Variants in PDE4D observed in about 807,000 individuals in gnomAD.
PDE4D encodes phosphodiesterase 4D.
PDE4D carries 24 observed loss-of-function variants against 87.4 expected under a neutral mutation model. The ratio of observed to expected loss-of-function variants is 0.27; its 90% CI spans 0.20 to 0.39. The LOEUF (loss-of-function observed/expected upper bound fraction) is 0.39. Among genes scored for constraint, PDE4D ranks in the 10% least tolerant of loss-of-function variants. PDE4D has a pLI of 1.00. For synonymous variants in PDE4D, 384 were observed against 383.2 expected, an observed-to-expected ratio of 1.00 and a Z score of -0.02; for missense variants, 714 against 1,041.0, an observed-to-expected ratio of 0.69 and a Z score of 4.32.
At chr5:60,006,040 T>C (rs1764440865) in intron 2 of PDE4D, among the ~76,000 whole-genome samples, 1 of 152,002 alleles carries the variant, frequency 6.6e-6, no homozygotes. Flanking sequence ...ACAAGCATCT[T>C]AATGTTATTG....
chr5:60,333,006 G>C (rs1334491417), intron 1 of PDE4D, among the ~76,000 whole-genome samples: 1 of 152,138 alleles, frequency 6.6e-6, no homozygotes, highest in East Asian at 1.9e-4. Flanking sequence ...GGCCAAGGCT[G>C]GCTCTAAGGC....
intron 1 of PDE4D, among the ~76,000 whole-genome samples, chr5:59,342,352 T>C (rs950147539): frequency 6.6e-6 from 1 of 152,170 alleles, no homozygotes; most frequent in Admixed American, 6.6e-5. Context: ...ATGGTGCCTC[T>C]GATCTGTATC....
chr5:59,060,970 G>A (rs1001556722), intron 5 of PDE4D, among the ~76,000 whole-genome samples: 1 of 152,056 alleles, frequency 6.6e-6, no homozygotes, highest in Non-Finnish European at 1.5e-5. Flanking sequence ...CCATTGTTGG[G>A]AGGCTCTCCT....
At chr5:60,475,192 A>G (rs1748216953) in intron 1 of PDE4D, among the ~76,000 whole-genome samples, 1 of 152,090 alleles carries the variant, frequency 6.6e-6, no homozygotes. Flanking sequence ...TCTAGTGCCC[A>G]TAGGTTTTGT....
At chr5:59,085,575 G>A (rs1203848012) in intron 5 of PDE4D, among the ~76,000 whole-genome samples, 1 of 152,158 alleles carries the variant, frequency 6.6e-6, no homozygotes, top group Non-Finnish European at 1.5e-5. Context: ...AGAGTCAAAA[G>A]TGGACACTAT....
intron 1 of PDE4D, among the ~76,000 whole-genome samples, chr5:59,582,261 C>T (rs927491131): frequency 1.3e-5 from 2 of 152,266 alleles, no homozygotes; most frequent in South Asian, 2.1e-4. Flanking sequence ...TTTCCTTCAA[C>T]GTATACATAG....
chr5:59,866,129 GT>G (rs1746996436), intron 1 of PDE4D, among the ~76,000 whole-genome samples: 1 of 152,148 alleles, frequency 6.6e-6, no homozygotes. Flanking sequence ...TTTGTGTCTT[GT>G]TTTTTATAGA....
intron 2 of PDE4D, among the ~76,000 whole-genome samples, chr5:60,184,650 C>T (rs1421545589): frequency 6.6e-6 from 1 of 152,184 alleles, no homozygotes; most frequent in Non-Finnish European, 1.5e-5. Context: ...TCTGCACATA[C>T]TCATGCCTCA....
intron 1 of PDE4D, among the ~76,000 whole-genome samples, chr5:59,569,553 C>G (rs1196544272): frequency 6.6e-6 from 1 of 152,180 alleles, no homozygotes; most frequent in Non-Finnish European, 1.5e-5. Context: ...TCCATCCTTA[C>G]TTCGCCACCT....
At chr5:59,489,196 C>T (rs1453041529) in intron 1 of PDE4D, among the ~76,000 whole-genome samples, 2 of 150,268 alleles carry the variant, frequency 1.3e-5, no homozygotes, top group Non-Finnish European at 3.0e-5. Context: ...ACCCTGGAGG[C>T]AGAGGTTGCA....
intron 1 of PDE4D, among the ~76,000 whole-genome samples, chr5:60,342,565 C>T (rs762256016): frequency 5.3e-5 from 8 of 152,112 alleles, no homozygotes; most frequent in Non-Finnish European, 1.0e-4. Flanking sequence ...CCATTATTAT[C>T]TTTTATTATT....
At chr5:60,037,617 T>A (rs1408066660) in intron 2 of PDE4D, among the ~76,000 whole-genome samples, 4 of 151,894 alleles carry the variant, frequency 2.6e-5, no homozygotes, top group African/African-American at 7.3e-5. Context: ...CCTGGTGGGG[T>A]TTTTGCTGAA....
At position 59,580,603 on chromosome 5, in the gene PDE4D, G is replaced by A. The variant is rs1435572349; in HGVS notation, c.455+312565C>T. ...CACCTTAGCCTCCCTGAGTAACTGG[G>A]ACCACAGGCATGAACCACCATGCCC... On this transcript the variant is annotated intron_variant, in intron 1 of 14. Coordinates refer to ENST00000340635, the MANE Select transcript of PDE4D (RefSeq NM_001104631.2). 5.9e-5 allele frequency among the ~76,000 whole-genome samples: 9 copies of A among 151,884 alleles called. No homozygotes were observed. The East Asian group carries it at 7.8e-4, about 13-fold the overall frequency.
intron 1 of PDE4D, among the ~76,000 whole-genome samples, chr5:59,879,339 C>T (rs1326468392): frequency 6.6e-6 from 1 of 152,196 alleles, no homozygotes; most frequent in African/African-American, 2.4e-5. Flanking sequence ...CTTTTCCTTA[C>T]CAGCCCCATC....
chr5:60,032,178 A>G (rs1767308354), intron 2 of PDE4D, among the ~76,000 whole-genome samples: 1 of 152,204 alleles, frequency 6.6e-6, no homozygotes, highest in African/African-American at 2.4e-5. Flanking sequence ...CTTATAGATT[A>G]GGCTATGTCT....
chr5:59,636,866 A>T (rs1415271393), intron 1 of PDE4D, among the ~76,000 whole-genome samples: 1 of 152,226 alleles, frequency 6.6e-6, no homozygotes, highest in Non-Finnish European at 1.5e-5. Context: ...TGACTAAAAC[A>T]CCAAAAGCAA....
At chr5:59,193,886 TGGAA>T (rs977550350) in intron 2 of PDE4D, 5 of 556,222 alleles carry the variant, frequency 9.0e-6, no homozygotes, top group Non-Finnish European at 9.1e-6. Flanking sequence ...AGGGGTGCTG[TGGAA>T]GGAACCAGCA....
At chr5:60,234,562 A>T (rs1746203703) in intron 1 of PDE4D, among the ~76,000 whole-genome samples, 1 of 151,834 alleles carries the variant, frequency 6.6e-6, no homozygotes, top group South Asian at 2.1e-4. Context: ...ATTACCACCA[A>T]CAATGAATGA....
intron 1 of PDE4D, among the ~76,000 whole-genome samples, chr5:60,316,372 AAGG>A (rs1369260306): frequency 1.3e-5 from 2 of 152,158 alleles, no homozygotes; most frequent in Non-Finnish European, 2.9e-5. Context: ...CTATCAGCTT[AAGG>A]AGATTTTGGG....
Sources: gnomAD v4.1 joint callset for allele counts (sites outside exome capture counted in the v4.1 genomes callset) on GRCh38, gnomAD v4.1.1 for gene constraint, MANE v1.5 for transcripts, NCBI Gene and HGNC (gene_info 2026-07-23, HGNC 2026-07-21) for gene names.